KCNH8: variants seen among roughly 807,000 people sequenced by gnomAD.
The protein encoded by KCNH8 is voltage-gated delayed rectifier potassium channel KCNH8.
A neutral mutation model predicts 103.6 loss-of-function variants in KCNH8; 70 were observed. The observed-to-expected ratio is 0.68, with a 90% CI of 0.56 to 0.82. The LOEUF (loss-of-function observed/expected upper bound fraction) is 0.82, where lower values mean the gene tolerates loss of function less well. KCNH8 is among the 40% of genes least tolerant of loss of function. KCNH8 has a pLI of 0.00. For missense variants in KCNH8, 1,217 were observed against 1,329.9 expected (o/e 0.92, Z 1.32); for synonymous variants, 498 against 489.4 (o/e 1.02, Z -0.23).
At chr3:19,318,679 A>G (rs2065309693) in intron 3 of KCNH8, among the ~76,000 whole-genome samples, 1 of 149,736 alleles carries the variant, frequency 6.7e-6, no homozygotes, top group South Asian at 2.1e-4. Context: ...ACACACACAC[A>G]CACACACATA....
intron 5 of KCNH8, among the ~76,000 whole-genome samples, chr3:19,380,709 T>C (rs2125124307): frequency 6.6e-6 from 1 of 152,366 alleles, no homozygotes; most frequent in South Asian, 2.1e-4. Context: ...GATTATAACA[T>C]AGCTAGAGTG....
intron 15 of KCNH8, among the ~76,000 whole-genome samples, chr3:19,530,343 T>C (rs549584470): frequency 1.3e-5 from 2 of 152,292 alleles, no homozygotes; most frequent in East Asian, 1.9e-4. Context: ...TTTGAGATAG[T>C]GGTTATACTA....
At chr3:19,351,548 T>C (rs1210356380) in intron 5 of KCNH8, among the ~76,000 whole-genome samples, 1 of 152,100 alleles carries the variant, frequency 6.6e-6, no homozygotes, top group Non-Finnish European at 1.5e-5. Context: ...TGGCAGAAAC[T>C]CTACAAGCCA....
At position 19,505,236 on chromosome 3, in the gene KCNH8, T is replaced by C. The variant is rs140106505; in HGVS notation, c.2041-5127T>C. Among the ~76,000 whole-genome samples the C allele has an allele frequency of 4.4e-3, 666 of 152,018 alleles. 3 individuals are homozygous for C. The highest frequency in any genetic ancestry group is 0.019 in the South Asian group (90 of 4,814). On this transcript the variant is annotated intron_variant, in intron 11 of 15. Coordinates refer to ENST00000328405, the MANE Select transcript of KCNH8 (RefSeq NM_144633.3). ...ACCAAATGCCACATTTTCTCACTTATAAGTGGGAACTAAATGATGAAAACA... is the reference window on the plus strand; with the variant it reads ...ACCAAATGCCACATTTTCTCACTTACAAGTGGGAACTAAATGATGAAAACA...
At chr3:19,421,058 T>C (rs2066943934) in intron 7 of KCNH8, among the ~76,000 whole-genome samples, 1 of 152,174 alleles carries the variant, frequency 6.6e-6, no homozygotes. Flanking sequence ...GTTATAGAAT[T>C]GGTAGAATTT....
chr3:19,528,047 T>C (rs905114376), intron 15 of KCNH8, among the ~76,000 whole-genome samples: 5 of 151,862 alleles, frequency 3.3e-5, no homozygotes, highest in African/African-American at 1.2e-4. Context: ...CAGTTTTAAA[T>C]TCCAGGCTGA....
At chr3:19,318,652 T>C (rs1288369797) in intron 3 of KCNH8, among the ~76,000 whole-genome samples, 1 of 102,888 alleles carries the variant, frequency 9.7e-6, no homozygotes, top group Non-Finnish European at 2.0e-5. Context: ...TGTGTGTGTG[T>C]GTGTGTGTGT....
chr3:19,428,125 C>T (rs1180236897), intron 7 of KCNH8, among the ~76,000 whole-genome samples: 1 of 152,096 alleles, frequency 6.6e-6, no homozygotes, highest in East Asian at 1.9e-4. Flanking sequence ...TTCTTAAGTA[C>T]CAATATTTTA....
chr3:19,319,144 G>A (rs1442349265), intron 3 of KCNH8, among the ~76,000 whole-genome samples: 4 of 151,944 alleles, frequency 2.6e-5, no homozygotes, highest in Non-Finnish European at 5.9e-5. Context: ...TATTTCTTTT[G>A]CTCTGCAGAA....
chr3:19,352,271 C>A (rs2065813815), intron 5 of KCNH8, among the ~76,000 whole-genome samples: 1 of 152,116 alleles, frequency 6.6e-6, no homozygotes, highest in South Asian at 2.1e-4. Context: ...TAGACTCCCA[C>A]AGAATAATAA....
At chr3:19,317,827 A>C (rs1446771831) in intron 3 of KCNH8, among the ~76,000 whole-genome samples, 1 of 151,944 alleles carries the variant, frequency 6.6e-6, no homozygotes, top group Non-Finnish European at 1.5e-5. Context: ...AACATACCTC[A>C]AAATAATAAG....
At chr3:19,466,091 A>T (rs970426076) in intron 11 of KCNH8, among the ~76,000 whole-genome samples, 1 of 151,806 alleles carries the variant, frequency 6.6e-6, no homozygotes, top group East Asian at 1.9e-4. Context: ...CACCCGGCTA[A>T]TTCTTTTTTA....
intron 5 of KCNH8, among the ~76,000 whole-genome samples, chr3:19,365,419 CTG>C (rs1415530392): frequency 6.6e-6 from 1 of 151,928 alleles, no homozygotes; most frequent in African/African-American, 2.4e-5. Flanking sequence ...AATTATTTCT[CTG>C]TGTTTTATAA....
chr3:19,315,555 A>G (rs1228378971), intron 3 of KCNH8, among the ~76,000 whole-genome samples: 1 of 152,004 alleles, frequency 6.6e-6, no homozygotes, highest in Non-Finnish European at 1.5e-5. Context: ...TGACCTTCAG[A>G]CATCATTTGT....
intron 1 of KCNH8, among the ~76,000 whole-genome samples, chr3:19,246,675 C>T (rs1195185989): frequency 1.3e-5 from 2 of 152,206 alleles, no homozygotes. Flanking sequence ...TTTTTATCCT[C>T]AGCCGCATAC....
intron 1 of KCNH8, among the ~76,000 whole-genome samples, chr3:19,222,110 A>G (rs2063882285): frequency 1.3e-5 from 2 of 152,104 alleles, no homozygotes; most frequent in African/African-American, 4.8e-5. Flanking sequence ...CGGCCTCCCA[A>G]AGTGCTGGGA....
At chr3:19,306,947 A>G (rs1379945107) in intron 3 of KCNH8, among the ~76,000 whole-genome samples, 1 of 152,062 alleles carries the variant, frequency 6.6e-6, no homozygotes, top group Non-Finnish European at 1.5e-5. Context: ...ACCTGGCAGT[A>G]TTACACTAGC....
At chr3:19,407,495 C>G (rs1238066158) in intron 7 of KCNH8, among the ~76,000 whole-genome samples, 1 of 152,136 alleles carries the variant, frequency 6.6e-6, no homozygotes, top group Non-Finnish European at 1.5e-5. Context: ...CTTGGGTCAG[C>G]AGCCTGAGTT....
chr3:19,299,005 T>A (rs1692646477), intron 3 of KCNH8, among the ~76,000 whole-genome samples: 1 of 150,284 alleles, frequency 6.7e-6, no homozygotes, highest in Admixed American at 6.6e-5. Flanking sequence ...TTGGAGTTGA[T>A]GAAGGAAGAG....
Sources: gnomAD v4.1 joint callset for allele counts (sites outside exome capture counted in the v4.1 genomes callset) on GRCh38, gnomAD v4.1.1 for gene constraint, MANE v1.5 for transcripts, NCBI Gene and HGNC (gene_info 2026-07-23, HGNC 2026-07-21) for gene names.